Variants in DMBT1 observed in about 807,000 individuals in gnomAD.
DMBT1 encodes the protein deleted in malignant brain tumors 1, also known as scavenger receptor cysteine-rich domain-containing protein DMBT1.
A neutral mutation model predicts 252.9 loss-of-function variants in DMBT1; 198 were observed. The observed-to-expected ratio is 0.78, with a 90% CI of 0.70 to 0.88. The LOEUF (loss-of-function observed/expected upper bound fraction) is 0.88. Ranked by LOEUF, DMBT1 falls within the 40% of genes least tolerant of loss-of-function variation. The pLI is 0.00. For missense variants in DMBT1, 2,432 were observed against 2,404.7 expected, an observed-to-expected ratio of 1.01 and a Z score of -0.24; for synonymous variants, 990 against 942.7, an observed-to-expected ratio of 1.05 and a Z score of -0.92.
At chr10:122,641,466 G>A (rs545493933) in intron 55 of DMBT1, among the ~76,000 whole-genome samples, 7 of 152,138 alleles carry the variant, frequency 4.6e-5, no homozygotes, top group South Asian at 2.1e-4. Flanking sequence ...TATGCTAAAC[G>A]TAGCACCTCT....
At position 122,576,713 on chromosome 10, in the gene DMBT1, A is replaced by T; in HGVS notation, c.598A>T (p.Ile200Phe). ...NCGHGEDAGV[I>F]CSAAQPQSTL... ...TGGCCATGGTGAAGATGCTGGTGTT[A>T]TCTGCTCAGGTAGGCATCCAGATCT... Residue 200 changes from isoleucine to phenylalanine, a missense_variant, in exon 7 of 56, where the codon ATC becomes TTC. Coordinates refer to ENST00000338354, the MANE Select transcript of DMBT1 (RefSeq NM_001377530.1). 3.7e-6 allele frequency: 6 copies of T among 1,613,766 alleles called. No homozygotes were observed. Among genetic ancestry groups the T allele is most frequent in the Non-Finnish European group, 5.1e-6 (6 of 1,179,716 alleles).
intron 41 of DMBT1, among the ~76,000 whole-genome samples, chr10:122,618,914 C>G (rs747014739): frequency 2.6e-4 from 39 of 152,240 alleles, no homozygotes; most frequent in Non-Finnish European, 5.3e-4. Context: ...GTGGGGAGGG[C>G]AGCCCCCATG....
chr10:122,628,568 G>A (rs1442529540), intron 46 of DMBT1, among the ~76,000 whole-genome samples: 10 of 152,162 alleles, frequency 6.6e-5, no homozygotes, highest in Non-Finnish European at 1.5e-4. Context: ...CCCGGGAAGC[G>A]GAGGTTGCAG....
At chr10:122,636,604 C>G (rs1268975508) in intron 53 of DMBT1, among the ~76,000 whole-genome samples, 4 of 152,184 alleles carry the variant, frequency 2.6e-5, no homozygotes, top group African/African-American at 7.2e-5. Flanking sequence ...ATGGACTGAG[C>G]TGGGTGGCTG....
At chr10:122,588,186 C>G (rs757576709) in intron 16 of DMBT1, among the ~76,000 whole-genome samples, 1 of 148,548 alleles carries the variant, frequency 6.7e-6, no homozygotes, top group Non-Finnish European at 1.5e-5. Flanking sequence ...CTCACCCCCA[C>G]TAGGGCTCAC....
chr10:122,573,311 CT>C (rs34507366), intron 5 of DMBT1, among the ~76,000 whole-genome samples: 104,456 of 152,024 alleles, frequency 0.69, 36,100 homozygotes, highest in East Asian at 0.78. Context: ...TCGAAACCAC[CT>C]TTTTTTCTGG....
chr10:122,588,293 G>A (rs2097810456), intron 16 of DMBT1, among the ~76,000 whole-genome samples: 1 of 148,012 alleles, frequency 6.8e-6, no homozygotes, highest in African/African-American at 2.4e-5. Context: ...TGAGTGGGAG[G>A]AAGTTGGAGT....
rs1565903803 is a variant in DMBT1, at chr10:122,621,348, G to C, written c.5576G>C (p.Gly1859Ala). 6.2e-7 allele frequency: 1 copy of C among 1,613,842 alleles called. No individual in the cohort carries two copies. The highest frequency in any genetic ancestry group is 8.5e-7 in the Non-Finnish European group (1 of 1,179,752). Residue 1859 changes from glycine (G) to alanine (A), a missense_variant, in exon 44 of 56, where the codon GGC becomes GCC. Physicochemically the swap from Gly to Ala is moderately conservative, Grantham distance 60. Around this residue, in one of 3 missense-constraint regions of DMBT1, gnomAD observed 1,162 missense variants for 1,169.0 expected, o/e 0.99. Transcript: ENST00000338354. ...AAAGGCTGGCTCACCCACAACTGTG[G>C]CCATCACGAAGACGCTGGTGTCATC... Reference protein sequence around the residue: ...PHKGWLTHNCGHHEDAGVICS... With the variant: ...PHKGWLTHNCAHHEDAGVICS...
chr10:122,643,549 C>G lies in DMBT1; in HGVS notation c.*151C>G. 7.7e-6 allele frequency: 9 copies of G among 1,164,630 alleles called. No homozygotes were observed. The highest frequency in any genetic ancestry group is 1.1e-5 in the Non-Finnish European group (9 of 846,444). The allele number at this position is 1,164,630 out of a possible 1,614,324, so 72.1% of individuals were successfully genotyped here. A position where few individuals can be genotyped will look rare whatever the true frequency, so the allele number is the denominator to read the frequency against. On this transcript the variant is annotated 3_prime_UTR_variant, in exon 56 of 56. Coordinates refer to ENST00000338354, the MANE Select transcript of DMBT1 (RefSeq NM_001377530.1). Reference sequence around the variant, plus strand: ...GGAGTTGAATCAGACCTGGTTCCCGCCTCCCCCAAGGCTCATGGTCCTTGG... The same window carrying G: ...GGAGTTGAATCAGACCTGGTTCCCGGCTCCCCCAAGGCTCATGGTCCTTGG...
At chr10:122,572,477 C>T in intron 5 of DMBT1, 116 bp downstream of exon 5, 1 of 1,419,166 alleles carries the variant, frequency 7.0e-7, no homozygotes, top group South Asian at 1.2e-5. Context: ...GCGTCAGGTG[C>T]TCAGGTAGTG....
chr10:122,617,960 C>G, intron 40 of DMBT1, 57 bp from the exon 41 acceptor site: 1 of 1,604,478 alleles, frequency 6.2e-7, no homozygotes, highest in Non-Finnish European at 8.5e-7. Context: ...TGGAACTTGC[C>G]TTAGATTGTT....
chr10:122,634,430 TTCTCTCTCTCTCTCTC>T lies in DMBT1; in HGVS notation c.6548+1125_6548+1140del, dbSNP rs764559052. The stretch of plus-strand genomic sequence containing the variant: ...CTTTCTTTCTCTCTCTCTCTCTCTC[TTCTCTCTCTCTCTCTC>T]TCTCTCTCTCTCTCTCTCTCTCTCT... On this transcript the variant is annotated intron_variant, in intron 52 of 55. Coordinates refer to ENST00000338354, the MANE Select transcript of DMBT1 (RefSeq NM_001377530.1). 9.1e-3 allele frequency among the ~76,000 whole-genome samples: 674 copies of T among 74,212 alleles called. 10 individuals carry two copies. The highest frequency in any genetic ancestry group is 0.022 in the South Asian group (41 of 1,834). The allele number at this position is 74,212 out of a possible 152,430, so 48.7% of individuals were successfully genotyped here.
chr10:122,591,394 T>A, intron 18 of DMBT1, 85 bp from the exon 19 acceptor site: 1 of 1,399,738 alleles, frequency 7.1e-7, no homozygotes, highest in Non-Finnish European at 1.0e-6. Context: ...ATATTCATGA[T>A]GCTTGCCTTG....
intron 8 of DMBT1, 27 bp downstream of exon 8, chr10:122,577,867 A>G (rs761683602): frequency 3.7e-6 from 6 of 1,612,712 alleles, no homozygotes; most frequent in African/African-American, 1.3e-5. Context: ...CTTCCTCGGG[A>G]TACCCCTTCT....
chr10:122,621,428 C>G (rs370499284), intron 44 of DMBT1, 48 bp downstream of exon 44: 252 of 1,611,744 alleles, frequency 1.6e-4, no homozygotes, highest in Non-Finnish European at 2.3e-5. Flanking sequence ...GGAGTTTGCT[C>G]CAGAAGAAAC....
intron 39 of DMBT1, 93 bp from the exon 40 acceptor site, chr10:122,617,135 T>A (rs1181047578): frequency 2.9e-6 from 4 of 1,378,140 alleles, no homozygotes; most frequent in Non-Finnish European, 4.1e-6. Context: ...GTGGAATTGT[T>A]GCCAGGTTGA....
In DMBT1 at chr10:122,585,378, G is replaced by A. The variant is rs1161214738; in HGVS notation, c.1459+69G>A. On this transcript the variant is annotated intron_variant, in intron 15 of 55. Transcript: ENST00000338354. ...CTGGACAAATGTTTTTTTCTGAAAT[G>A]ATAGGATGAGGGTCAAGGTGGGCCC... 2.6e-6 allele frequency: 4 copies of A among 1,534,048 alleles called. No homozygotes were observed. In the African/African-American group the frequency reaches 5.4e-5, roughly 21 times the overall value.
chr10:122,621,275 G>A lies in DMBT1; in HGVS notation c.5503G>A (p.Asp1835Asn), dbSNP rs750760735. Reference sequence around the variant, plus strand: ...GGGCTCAGGACCCATTGTCCTGGATGATGTGCGCTGCTCAGGGAATGAGTC... The same window carrying A: ...GGGCTCAGGACCCATTGTCCTGGATAATGTGCGCTGCTCAGGGAATGAGTC... ...GQGSGPIVLD[D>N]VRCSGNESYL... The change falls in exon 44 of 56, where the codon GAT becomes AAT. Residue 1835 changes from aspartate to asparagine, a missense_variant. Physicochemically the swap from Asp to Asn is conservative, Grantham distance 23. Around this residue, in one of 3 missense-constraint regions of DMBT1, gnomAD observed 1,162 missense variants for 1,169.0 expected, o/e 0.99. Coordinates refer to ENST00000338354, the MANE Select transcript of DMBT1 (RefSeq NM_001377530.1). The A allele has an allele frequency of 6.2e-7, 1 of 1,613,844 alleles. No homozygotes were observed. The highest frequency in any genetic ancestry group is 8.5e-7 in the Non-Finnish European group (1 of 1,179,760).
At chr10:122,577,868 T>C (rs552209441) in intron 8 of DMBT1, 28 bp downstream of exon 8, 5 of 1,612,780 alleles carry the variant, frequency 3.1e-6, no homozygotes, top group Non-Finnish European at 4.2e-6. Context: ...TTCCTCGGGA[T>C]ACCCCTTCTC....
Sources: gnomAD v4.1 joint callset for allele counts (sites outside exome capture counted in the v4.1 genomes callset) on GRCh38, gnomAD v4.1.1 for gene constraint, gnomAD v4.1.1 regional missense constraint, MANE v1.5 for transcripts, NCBI Gene and HGNC (gene_info 2026-07-23, HGNC 2026-07-21) for gene names.